The following USP16 variants were observed in gnomAD, a reference collection of about 807,000 sequenced individuals.
USP16 encodes ubiquitin carboxyl-terminal hydrolase 16.
In USP16, 77 loss-of-function variants were observed where a neutral mutation model predicts 95.9. That is an observed-to-expected ratio of 0.80 (90% CI 0.67 to 0.97). The LOEUF is 0.97. Ranked by LOEUF, USP16 falls within the 50% of genes least tolerant of loss-of-function variation. USP16 has a pLI of 0.00. For synonymous variants in USP16, 303 were observed against 318.2 expected, an observed-to-expected ratio of 0.95 and a Z score of 0.51; for missense variants, 943 against 959.9, an observed-to-expected ratio of 0.98 and a Z score of 0.23.
intron 13 of USP16, 43 bp downstream of exon 13, chr21:29,043,642 T>C: frequency 6.9e-7 from 1 of 1,458,922 alleles, no homozygotes; most frequent in Non-Finnish European, 9.0e-7. Context: ...AATTTTATAT[T>C]TTGAGCTATT....
intron 12 of USP16, 28 bp from the exon 13 acceptor site, chr21:29,043,395 T>A (rs1392842573): frequency 7.2e-7 from 1 of 1,381,312 alleles, no homozygotes; most frequent in Non-Finnish European, 9.4e-7. Flanking sequence ...AAAATTTTGT[T>A]TTTGACCTAT....
Position 29,039,058 on chromosome 21 carries a change from C to T in USP16, c.765C>T (p.Gly255=), listed in dbSNP as rs748148232. Residue 255 remains glycine (G), a synonymous_variant, in exon 8 of 18, where the codon GGC becomes GGT. Transcript: ENST00000399976. ...EPLEINLEPP[G]PLTLAMSQFL... is the part of the protein sequence containing the mutation. ...TAGAAATAAACCTTGAGCCTCCAGG[C>T]CCTCTTACTTTAGCCATGAGCCAGT... The T allele has an allele frequency of 3.8e-6, 6 of 1,580,510 alleles. No homozygotes were observed. The highest frequency in any genetic ancestry group is 3.5e-5 in the South Asian group (3 of 86,694).
intron 9 of USP16, 90 bp downstream of exon 9, chr21:29,039,658 C>G: frequency 7.6e-7 from 1 of 1,307,476 alleles, no homozygotes; most frequent in Non-Finnish European, 1.0e-6. Flanking sequence ...ACAATGAAAG[C>G]TAGTTATTAA....
chr21:29,027,870 T>C lies in USP16; in HGVS notation c.-41-3T>C. 13 of 1,610,556 alleles carry C rather than the reference T, an allele frequency of 8.1e-6. No homozygotes were observed. The highest frequency in any genetic ancestry group is 1.0e-5 in the Non-Finnish European group (12 of 1,177,140). ...GTCAAGCTAACTTTATCTTGTTTTCTAGATTGTTATTTTGTGTCAGTAAGT... is the reference window on the plus strand; with the variant it reads ...GTCAAGCTAACTTTATCTTGTTTTCCAGATTGTTATTTTGTGTCAGTAAGT... On this transcript the variant is annotated splice_polypyrimidine_tract_variant and splice_region_variant and intron_variant, in intron 1 of 17. Coordinates refer to ENST00000399976, the MANE Select transcript of USP16 (RefSeq NM_006447.3).
At chr21:29,045,502 T>A (rs2085309152) in intron 13 of USP16, among the ~76,000 whole-genome samples, 1 of 152,258 alleles carries the variant, frequency 6.6e-6, no homozygotes, top group Non-Finnish European at 1.5e-5. Context: ...CAGAATACTT[T>A]TGTCCATTCC....
intron 14 of USP16, among the ~76,000 whole-genome samples, chr21:29,048,091 G>A (rs2085357777): frequency 1.4e-5 from 2 of 143,832 alleles, no homozygotes; most frequent in South Asian, 4.4e-4. Context: ...GTGTGTGTGT[G>A]TGTGTGTTTT....
At chr21:29,035,546 G>T (rs964876497) in intron 4 of USP16, among the ~76,000 whole-genome samples, 4 of 151,570 alleles carry the variant, frequency 2.6e-5, no homozygotes, top group Admixed American at 2.6e-4. Context: ...GCTAATTTTT[G>T]TATTTTTAGT....
In USP16 at chr21:29,043,461, GAC is replaced by G; in HGVS notation, c.1220_1221del (p.Thr407SerfsTer4). 1.3e-6 allele frequency: 2 copies of G among 1,566,988 alleles called. No homozygotes were observed. The highest frequency in any genetic ancestry group is 1.7e-6 in the Non-Finnish European group (2 of 1,161,966). On this transcript the variant is annotated frameshift_variant, in exon 13 of 18. Transcript: ENST00000399976. LOFTEE classifies it high-confidence loss of function. ...GTGTAAATGATAAAAATCTGAAAAAGACAGTGGAGGATGAAGATCAAGATAGT... is the reference window on the plus strand; with the variant it reads ...GTGTAAATGATAAAAATCTGAAAAAGAGTGGAGGATGAAGATCAAGATAGT... The part of the protein sequence containing the change: ...KSVNDKNLKK[T>X]VEDEDQDSEE...
Position 29,039,541 on chromosome 21 carries a change from G to A in USP16, c.924G>A (p.Leu308=). The change falls in exon 9 of 18, where the codon TTG becomes TTA. Residue 308 remains leucine, a synonymous_variant. Transcript: ENST00000399976. ...GCCAGGAGCTGCTTCGCTACTTATT[G>A]GATGGGATGAGAGCAGAAGAACACC... ...QDSQELLRYL[L]DGMRAEEHQR... 1 of 1,613,216 alleles carries A rather than the reference G, an allele frequency of 6.2e-7. No individual in the cohort carries two copies. The highest frequency in any genetic ancestry group is 8.5e-7 in the Non-Finnish European group (1 of 1,179,400).
At position 29,046,749 on chromosome 21, in the gene USP16, A is replaced by C; in HGVS notation, c.1439A>C (p.Glu480Ala). The C allele has an allele frequency of 6.2e-7, 1 of 1,614,052 alleles. No homozygotes were observed. Among genetic ancestry groups the C allele is most frequent in the Non-Finnish European group, 8.5e-7 (1 of 1,179,966 alleles). The change falls in exon 14 of 18, where the codon GAA becomes GCA. Residue 480 changes from glutamate (E) to alanine (A), a missense_variant. Glu to Ala is a moderately radical substitution (Grantham distance 107). Transcript: ENST00000399976. ...ICTIDHPEDSEYEAEMSLQGE... is the reference protein window; with the variant it reads ...ICTIDHPEDSAYEAEMSLQGE... ...ACTATTGACCATCCTGAAGACAGTG[A>C]ATATGAAGCTGAAATGTCACTTCAA... is the stretch of plus-strand genomic sequence containing the variant.
At chr21:29,053,990 C>G in intron 17 of USP16, 32 bp downstream of exon 17, 1 of 1,612,998 alleles carries the variant, frequency 6.2e-7, no homozygotes, top group Non-Finnish European at 8.5e-7. Flanking sequence ...AGGCACTCAG[C>G]AGATTACGGC....
intron 14 of USP16, 51 bp downstream of exon 14, chr21:29,047,372 T>C: frequency 6.5e-7 from 1 of 1,549,172 alleles, no homozygotes. Flanking sequence ...GGGCACATTT[T>C]GCACTGCATA....
chr21:29,034,426 C>A (rs1444360988), intron 3 of USP16, among the ~76,000 whole-genome samples: 3 of 151,946 alleles, frequency 2.0e-5, no homozygotes, highest in African/African-American at 7.3e-5. Context: ...AGTTCTCCTG[C>A]CTCAGCCTCC....
At chr21:29,045,581 A>G (rs1325686448) in intron 13 of USP16, among the ~76,000 whole-genome samples, 1 of 150,116 alleles carries the variant, frequency 6.7e-6, no homozygotes, top group Non-Finnish European at 1.5e-5. Context: ...TTTTTCTCTC[A>G]GTGAAACCTT....
At position 29,040,715 on chromosome 21, in the gene USP16, A is replaced by T. The variant is rs780920074; in HGVS notation, c.1030+28A>T. The T allele has an allele frequency of 3.1e-6, 4 of 1,286,028 alleles. No homozygotes were observed. The South Asian group carries it at 3.9e-5, about 12-fold the overall frequency. 79.7% of individuals were successfully genotyped at this position (1,286,028 alleles called of 1,614,324 possible). On this transcript the variant is annotated intron_variant, in intron 10 of 17. Transcript: ENST00000399976. ...AATGTCTGACTTTTTGAACTAAAACACTATAGTTGAATTCCTCTGTACCTT... is the reference window on the plus strand; with the variant it reads ...AATGTCTGACTTTTTGAACTAAAACTCTATAGTTGAATTCCTCTGTACCTT...
rs761342296 is a variant in USP16 at position 29,038,306 on chromosome 21, T to C, written c.637-29T>C. 6 of 1,499,566 alleles carry C rather than the reference T, an allele frequency of 4.0e-6. No homozygotes were observed. The African/African-American group carries it at 7.0e-5, about 17-fold the overall frequency. The allele number at this position is 1,499,566 out of a possible 1,614,324, so 92.9% of individuals were successfully genotyped here. On this transcript the variant is annotated intron_variant, in intron 6 of 17. Coordinates refer to ENST00000399976, the MANE Select transcript of USP16 (RefSeq NM_006447.3). ...GAGTTGATTTGCCTTTAAATAATTT[T>C]TCTCTTTTTTTTTCACCCTACATTC...
intron 6 of USP16, 139 bp from the exon 7 acceptor site, chr21:29,038,196 T>G (rs2085190448): frequency 3.4e-6 from 2 of 587,548 alleles, no homozygotes; most frequent in Non-Finnish European, 6.0e-6. Flanking sequence ...GAGAAGCATC[T>G]GTAACTTTTC....
At position 29,054,202 on chromosome 21, in the gene USP16, C is replaced by G; in HGVS notation, c.*15C>G. 6.2e-7 allele frequency: 1 copy of G among 1,604,124 alleles called. No individual in the cohort carries two copies. The highest frequency in any genetic ancestry group is 8.5e-7 in the Non-Finnish European group (1 of 1,173,786). On this transcript the variant is annotated 3_prime_UTR_variant, in exon 18 of 18. Coordinates refer to ENST00000399976, the MANE Select transcript of USP16 (RefSeq NM_006447.3). ...GAATACTGTAATAATATCAAAAGCACTTTTTCTGGAAACACATTTATGGCT... is the reference window on the plus strand; with the variant it reads ...GAATACTGTAATAATATCAAAAGCAGTTTTTCTGGAAACACATTTATGGCT...
chr21:29,033,355 G>T (rs1337515740), intron 3 of USP16, among the ~76,000 whole-genome samples: 2 of 152,166 alleles, frequency 1.3e-5, no homozygotes, highest in Non-Finnish European at 2.9e-5. Context: ...TGTTCAGTGG[G>T]ATAAATTAAG....
Sources: gnomAD v4.1 joint callset for allele counts (sites outside exome capture counted in the v4.1 genomes callset) on GRCh38, gnomAD v4.1.1 for gene constraint, MANE v1.5 for transcripts, NCBI Gene and HGNC (gene_info 2026-07-23, HGNC 2026-07-21) for gene names.